The following LARGE1 variants were observed in gnomAD, a reference collection of about 807,000 sequenced individuals.
LARGE1 encodes the protein LARGE xylosyl- and glucuronyltransferase 1.
Under a neutral mutation model 87.6 loss-of-function variants are expected in LARGE1, and 43 were observed. The ratio of observed to expected loss-of-function variants is 0.49; its 90% confidence interval spans 0.38 to 0.63. The LOEUF is 0.63. Among genes scored for constraint, LARGE1 ranks in the 30% least tolerant of loss-of-function variants. The probability of loss-of-function intolerance (pLI) is 0.00; values close to 1 mark genes in which losing one functional copy is unlikely to be tolerated. For missense variants in LARGE1, 802 were observed against 1,000.2 expected, an observed-to-expected ratio of 0.80 and a Z score of 2.67; for synonymous variants, 434 against 394.6, an observed-to-expected ratio of 1.10 and a Z score of -1.18.
chr22:33,517,811 A>AC (rs1363552831), intron 6 of LARGE1, among the ~76,000 whole-genome samples: 3 of 152,236 alleles, frequency 2.0e-5, no homozygotes, highest in Non-Finnish European at 4.4e-5. Flanking sequence ...TCAGTCCTGC[A>AC]CTATGTCTGT....
At chr22:33,170,570 T>G (rs1922513176) in intron 11 of LARGE1, among the ~76,000 whole-genome samples, 1 of 152,044 alleles carries the variant, frequency 6.6e-6, no homozygotes, top group Non-Finnish European at 1.5e-5. Context: ...TATCATAAGA[T>G]CTGATGGTTT....
At chr22:33,624,321 C>T (rs1232814569) in intron 4 of LARGE1, among the ~76,000 whole-genome samples, 1 of 152,116 alleles carries the variant, frequency 6.6e-6, no homozygotes, top group Non-Finnish European at 1.5e-5. Context: ...TCTGCTACAG[C>T]AGACCTGTCA....
At chr22:33,751,339 G>A (rs1210843196) in intron 2 of LARGE1, among the ~76,000 whole-genome samples, 1 of 151,972 alleles carries the variant, frequency 6.6e-6, no homozygotes, top group East Asian at 1.9e-4. Flanking sequence ...AAATTAGCTG[G>A]GTGTGGTGGC....
chr22:33,793,788 C>CT (rs60677740), intron 1 of LARGE1, among the ~76,000 whole-genome samples: 51,233 of 148,708 alleles, frequency 0.34, 8,878 homozygotes, highest in East Asian at 0.49. Context: ...CACCCCCCAA[C>CT]TTTTTTTTTT....
intron 1 of LARGE1, among the ~76,000 whole-genome samples, chr22:33,773,131 C>T (rs770666311): frequency 8.5e-5 from 13 of 152,144 alleles, no homozygotes; most frequent in Non-Finnish European, 1.9e-4. Flanking sequence ...ATGGGAATGA[C>T]CACACAGGAA....
At chr22:33,812,297 C>T (rs11705248) in intron 1 of LARGE1, among the ~76,000 whole-genome samples, 29,359 of 152,134 alleles carry the variant, frequency 0.19, 3,407 homozygotes, top group Admixed American at 0.33. Context: ...CCTCCCCTGC[C>T]TTCTCACGGT....
At chr22:33,163,363 A>C (rs747192030) in exon 12 of LARGE1, 1 of 152,212 alleles carries the variant, frequency 6.6e-6, no homozygotes, top group African/African-American at 2.4e-5. Flanking sequence ...GATGTAGGAA[A>C]AAAACCAGTT....
chr22:33,089,776 AC>A, the LARGE1 span, among the ~76,000 whole-genome samples: 115,777 of 151,388 alleles, frequency 0.76, 44,924 homozygotes, highest in East Asian at 0.98. Context: ...GATTACAGAT[AC>A]AGAGCCACCA....
chr22:33,260,583 C>T (rs918559018), intron 11 of LARGE1, among the ~76,000 whole-genome samples: 5 of 152,168 alleles, frequency 3.3e-5, no homozygotes, highest in Admixed American at 1.3e-4. Context: ...TGAGATAATG[C>T]CGGCCATGCA....
chr22:33,688,599 C>A lies in LARGE1; in HGVS notation c.107-37931G>T, dbSNP rs530206698. ...CTCCCAACCTCAGGTCATCTGCCTG[C>A]CTTGGCCTCCCAAAGTGCTGGGATT... is the stretch of plus-strand genomic sequence containing the variant. On this transcript the variant is annotated intron_variant, in intron 2 of 14. Transcript: ENST00000397394. 4.6e-5 allele frequency among the ~76,000 whole-genome samples: 7 copies of A among 152,280 alleles called. No individual in the cohort carries two copies. The East Asian group carries it at 1.4e-3, about 29-fold the overall frequency.
chr22:33,366,608 G>C (rs1162808639), intron 9 of LARGE1, among the ~76,000 whole-genome samples: 1 of 152,052 alleles, frequency 6.6e-6, no homozygotes, highest in Non-Finnish European at 1.5e-5. Flanking sequence ...TAAGATTTTT[G>C]CATCTATATT....
chr22:33,121,755 TA>T, the LARGE1 span, among the ~76,000 whole-genome samples: 1 of 152,184 alleles, frequency 6.6e-6, no homozygotes, highest in Non-Finnish European at 1.5e-5. Flanking sequence ...CTGGGTAATT[TA>T]TAAAGAAAAG....
rs564438344 is a variant in LARGE1 at position 33,755,471 on chromosome 22, G to A, written c.106+5900C>T. ...GCTGAAAAGCACCCTTTTTCCACAT[G>A]CTGATAAGTCTCTAATAGCCGAACA... On this transcript the variant is annotated intron_variant, in intron 2 of 14. Coordinates refer to ENST00000397394, the MANE Select transcript of LARGE1 (RefSeq NM_133642.5). 5.4e-4 allele frequency among the ~76,000 whole-genome samples: 82 copies of A among 152,274 alleles called. No homozygotes were observed. The Middle Eastern group carries it at 0.014, about 25-fold the overall frequency.
rs780575029 is a variant in LARGE1, at chr22:33,304,343, T to C, written c.1616A>G (p.Gln539Arg). 1 of 1,614,274 alleles carries C rather than the reference T, an allele frequency of 6.2e-7. No individual in the cohort carries two copies. The highest frequency in any genetic ancestry group is 8.5e-7 in the Non-Finnish European group (1 of 1,180,050). ...GCGCAGCAGGTTCACGGGGTAGAAC[T>C]GGCCCTCCTTGTACACGATGTGGTA... ...VGYHIVYKEG[Q>R]FYPVNLLRNV... Residue 539 changes from glutamine to arginine, a missense_variant, in exon 12 of 15, where the codon CAG (glutamine) becomes CGG (arginine). Physicochemically the swap from Gln to Arg is conservative, Grantham distance 43 (BLOSUM62 1). Coordinates refer to ENST00000397394, the MANE Select transcript of LARGE1 (RefSeq NM_133642.5).
chr22:33,740,995 C>T (rs1412081732), intron 2 of LARGE1, among the ~76,000 whole-genome samples: 1 of 152,130 alleles, frequency 6.6e-6, no homozygotes, highest in Non-Finnish European at 1.5e-5. Flanking sequence ...TTGTGCAGAG[C>T]AATGTTTACC....
At chr22:33,728,038 GA>G (rs2083324495) in intron 2 of LARGE1, among the ~76,000 whole-genome samples, 1 of 152,080 alleles carries the variant, frequency 6.6e-6, no homozygotes, top group Non-Finnish European at 1.5e-5. Context: ...TAAACAGAGA[GA>G]AAACCCAAGT....
intron 6 of LARGE1, among the ~76,000 whole-genome samples, chr22:33,470,809 A>G (rs1311359966): frequency 1.3e-5 from 2 of 152,182 alleles, no homozygotes; most frequent in Non-Finnish European, 2.9e-5. Flanking sequence ...CCTCTGAGTA[A>G]AAGGCAGTGT....
chr22:33,722,167 C>T (rs945030991), intron 2 of LARGE1, among the ~76,000 whole-genome samples: 2 of 151,826 alleles, frequency 1.3e-5, no homozygotes, highest in Non-Finnish European at 2.9e-5. Flanking sequence ...GCAGGAGAAT[C>T]GCTTGAACCT....
At chr22:33,421,365 T>TC (rs1480364196) in intron 7 of LARGE1, among the ~76,000 whole-genome samples, 1 of 152,166 alleles carries the variant, frequency 6.6e-6, no homozygotes, top group African/African-American at 2.4e-5. Flanking sequence ...ATTCTTTTTA[T>TC]CCTGAAATGA....
Sources: allele counts gnomAD v4.1 joint callset (sites outside exome capture counted in the v4.1 genomes callset), GRCh38; gene constraint gnomAD v4.1.1; transcripts MANE v1.5; gene names NCBI Gene and HGNC (gene_info 2026-07-23, HGNC 2026-07-21).